The following PTPRT variants were observed in gnomAD, a reference collection of about 807,000 sequenced individuals.
PTPRT encodes protein tyrosine phosphatase receptor type T.
In PTPRT, 56 loss-of-function variants were observed where a neutral mutation model predicts 176.8. The ratio of observed to expected loss-of-function variants is 0.32; its 90% confidence interval spans 0.26 to 0.40. The LOEUF is 0.40. Ranked by LOEUF, PTPRT falls within the 10% of genes least tolerant of loss-of-function variation. PTPRT has a pLI of 1.00. For missense variants in PTPRT, 1,540 were observed against 1,908.2 expected, an observed-to-expected ratio of 0.81 and a Z score of 3.60; for synonymous variants, 783 against 739.0, an observed-to-expected ratio of 1.06 and a Z score of -0.96.
intron 7 of PTPRT, among the ~76,000 whole-genome samples, chr20:42,543,355 C>T (rs1396850343): frequency 6.6e-6 from 1 of 152,122 alleles, no homozygotes; most frequent in Non-Finnish European, 1.5e-5. Context: ...TAAAAGATTC[C>T]ATCTCAAGAA....
rs537808982 is a variant in PTPRT at position 42,379,578 on chromosome 20, G to A, written c.1561-27293C>T. Among the ~76,000 whole-genome samples, 18 of 152,314 alleles carry A rather than the reference G, an allele frequency of 1.2e-4. No individual in the cohort carries two copies. In the East Asian group the frequency reaches 3.5e-3, roughly 29 times the overall value. Reference sequence around the variant, plus strand: ...GAGGGCAGCAGGAGCTCGGTCTCCAGCTCCACCCCTTCTCCACATTCCTAC... The same window carrying A: ...GAGGGCAGCAGGAGCTCGGTCTCCAACTCCACCCCTTCTCCACATTCCTAC... On this transcript the variant is annotated intron_variant, in intron 9 of 30. Coordinates refer to ENST00000373187, the MANE Select transcript of PTPRT (RefSeq NM_007050.6).
intron 5 of PTPRT, among the ~76,000 whole-genome samples, chr20:42,765,813 A>G (rs1354565784): frequency 3.9e-5 from 6 of 152,110 alleles, no homozygotes; most frequent in African/African-American, 1.4e-4. Flanking sequence ...AAAATGTTAA[A>G]TATACTTCTA....
At chr20:42,352,364 T>C (rs1390881814) in intron 9 of PTPRT, 79 bp from the exon 10 acceptor site, 2 of 1,436,044 alleles carry the variant, frequency 1.4e-6, no homozygotes, top group Admixed American at 3.4e-5. Flanking sequence ...TAGAGGAACC[T>C]TAGGGAGGCG....
At chr20:42,884,571 G>A (rs1176422942) in intron 2 of PTPRT, among the ~76,000 whole-genome samples, 1 of 152,150 alleles carries the variant, frequency 6.6e-6, no homozygotes, top group Non-Finnish European at 1.5e-5. Context: ...ATAAATGTCA[G>A]AATCACCAGC....
At chr20:42,265,468 A>C (rs2146979207) in intron 13 of PTPRT, among the ~76,000 whole-genome samples, 1 of 152,324 alleles carries the variant, frequency 6.6e-6, no homozygotes, top group East Asian at 1.9e-4. Flanking sequence ...GCATGTAGGA[A>C]GTATGTAACA....
chr20:43,037,067 T>C (rs992265907), intron 1 of PTPRT, among the ~76,000 whole-genome samples: 2 of 152,232 alleles, frequency 1.3e-5, no homozygotes, highest in East Asian at 1.9e-4. Flanking sequence ...ACTAGGTGAA[T>C]TGCCAAATTC....
chr20:42,352,737 C>T (rs1033207463), intron 9 of PTPRT, among the ~76,000 whole-genome samples: 15 of 152,268 alleles, frequency 9.9e-5, no homozygotes, highest in African/African-American at 3.6e-4. Context: ...TTGTTTCTAA[C>T]AGAGAAGATA....
the PTPRT span, among the ~76,000 whole-genome samples, chr20:42,039,920 C>T: frequency 1.3e-5 from 2 of 151,928 alleles, no homozygotes; most frequent in Non-Finnish European, 2.9e-5. Flanking sequence ...ATCTCTTTGA[C>T]ATACTGATTT....
intron 14 of PTPRT, among the ~76,000 whole-genome samples, chr20:42,243,764 A>G (rs984922188): frequency 6.6e-6 from 1 of 152,194 alleles, no homozygotes; most frequent in Non-Finnish European, 1.5e-5. Flanking sequence ...GGGTTTCCAC[A>G]TCAACTCTGC....
chr20:42,218,618 C>T (rs979357935), intron 15 of PTPRT, among the ~76,000 whole-genome samples: 16 of 152,174 alleles, frequency 1.1e-4, no homozygotes, highest in Non-Finnish European at 1.8e-4. Context: ...CAGCTTCTCC[C>T]AAGCACAGAA....
chr20:42,431,698 G>T (rs1183090533), intron 9 of PTPRT, among the ~76,000 whole-genome samples: 1 of 152,182 alleles, frequency 6.6e-6, no homozygotes, highest in African/African-American at 2.4e-5. Flanking sequence ...TGTTGGTGGG[G>T]AGAGCAGAGA....
At chr20:42,224,316 G>T (rs905297440) in intron 15 of PTPRT, among the ~76,000 whole-genome samples, 2 of 152,138 alleles carry the variant, frequency 1.3e-5, no homozygotes, top group African/African-American at 4.8e-5. Context: ...TATTTCAAAC[G>T]TATGTGCTCA....
At chr20:42,270,372 A>ACCC in intron 13 of PTPRT, 2 of 759,748 alleles carry the variant, frequency 2.6e-6, no homozygotes, top group Non-Finnish European at 4.1e-6. Context: ...CTCCCCTCCC[A>ACCC]CCCGCCCAGG....
At chr20:42,836,631 G>A (rs1325796670) in intron 2 of PTPRT, among the ~76,000 whole-genome samples, 1 of 152,202 alleles carries the variant, frequency 6.6e-6, no homozygotes, top group Non-Finnish European at 1.5e-5. Context: ...ACAAGGGGAT[G>A]AGCCGAGCTT....
chr20:42,591,767 G>A (rs1237933985), intron 7 of PTPRT, among the ~76,000 whole-genome samples: 1 of 152,100 alleles, frequency 6.6e-6, no homozygotes. Context: ...TCAAAAGTCA[G>A]GATCTGGCTG....
intron 7 of PTPRT, among the ~76,000 whole-genome samples, chr20:42,518,858 C>T (rs951987367): frequency 6.6e-6 from 1 of 152,062 alleles, no homozygotes; most frequent in Admixed American, 6.6e-5. Flanking sequence ...ATAAATCTTG[C>T]TTTCACTATA....
chr20:42,043,232 T>G, the PTPRT span, among the ~76,000 whole-genome samples: 1,698 of 152,356 alleles, frequency 0.011, 18 homozygotes, highest in Non-Finnish European at 0.017. Context: ...GAATCTGTAT[T>G]TTTAAACAAA....
chr20:42,560,185 A>G (rs190192751), intron 7 of PTPRT, among the ~76,000 whole-genome samples: 8 of 152,288 alleles, frequency 5.3e-5, no homozygotes, highest in Admixed American at 1.3e-4. Context: ...ATGTTCTGGA[A>G]GCCGACTTCT....
rs2059222882 is a variant in PTPRT at position 42,432,398 on chromosome 20, T to G, written c.1560+15822A>C. Among the ~76,000 whole-genome samples the G allele has an allele frequency of 2.0e-5, 3 of 152,230 alleles. No homozygotes were observed. In the South Asian group the frequency reaches 6.2e-4, roughly 32 times the overall value. ...TCACTTCCAATATCTTTGGTACTTT[T>G]GTAAACTAAACGTAAAATCCTAAGC... On this transcript the variant is annotated intron_variant, in intron 9 of 30. Transcript: ENST00000373187.
Sources: gnomAD v4.1 joint callset for allele counts (sites outside exome capture counted in the v4.1 genomes callset) on GRCh38, gnomAD v4.1.1 for gene constraint, MANE v1.5 for transcripts, NCBI Gene and HGNC (gene_info 2026-07-23, HGNC 2026-07-21) for gene names.